Variants in MAPK4 observed in about 807,000 individuals in gnomAD.
The protein encoded by MAPK4 is Erk3-related.
Under a neutral mutation model 47.7 loss-of-function variants are expected in MAPK4, and 22 were observed. The ratio of observed to expected loss-of-function variants is 0.46; its 90% CI spans 0.33 to 0.66. The LOEUF (loss-of-function observed/expected upper bound fraction) is 0.66. Ranked by LOEUF, MAPK4 falls within the 30% of genes least tolerant of loss-of-function variation. The probability of loss-of-function intolerance (pLI) is 0.02; values close to 1 mark genes in which losing one functional copy is unlikely to be tolerated. For synonymous variants in MAPK4, 390 were observed against 365.7 expected, an observed-to-expected ratio of 1.07 and a Z score of -0.76; for missense variants, 736 against 831.7, an observed-to-expected ratio of 0.88 and a Z score of 1.42.
rs747073199 is a variant in MAPK4, at chr18:50,715,137, C to A, written c.605C>A (p.Ser202Tyr). 6.2e-7 allele frequency: 1 copy of A among 1,614,162 alleles called. No homozygotes were observed. Among genetic ancestry groups the A allele is most frequent in the East Asian group, 2.2e-5 (1 of 44,878 alleles). ...KWYRSPRLLL[S>Y]PNNYTKAIDM... ...TACCGTTCCCCACGACTGCTCCTTTCCCCCAATAACTACACCAAAGCCATC... is the reference window on the plus strand; with the variant it reads ...TACCGTTCCCCACGACTGCTCCTTTACCCCAATAACTACACCAAAGCCATC... The change falls in exon 3 of 6, where the codon TCC becomes TAC. Residue 202 changes from serine (S) to tyrosine (Y), a missense_variant. Physicochemically the swap from Ser to Tyr is moderately radical, Grantham distance 144. This residue lies in a region of MAPK4 where 327 missense variants were observed against 395.4 expected (regional missense o/e 0.83). Coordinates refer to ENST00000400384, the MANE Select transcript of MAPK4 (RefSeq NM_002747.4).
intron 2 of MAPK4, among the ~76,000 whole-genome samples, chr18:50,684,602 G>A (rs1211744886): frequency 6.6e-6 from 1 of 152,012 alleles, no homozygotes; most frequent in African/African-American, 2.4e-5. Flanking sequence ...TCTGCCTTCG[G>A]GGGGTGAGGA....
rs372005204 is a variant in MAPK4 at position 50,729,749 on chromosome 18, C to T, written c.1659C>T (p.Pro553=). Reference sequence around the variant, plus strand: ...GCGCCCTGAAGCTCTGCACCAAGCCCGAGGACCTGCCGGACAATAAACTGG... The same window carrying T: ...GCGCCCTGAAGCTCTGCACCAAGCCTGAGGACCTGCCGGACAATAAACTGG... ...ISRALKLCTK[P]EDLPDNKLGD... Residue 553 remains proline (P), a synonymous_variant, in exon 6 of 6, where the codon CCC becomes CCT. Transcript: ENST00000400384. 94 of 1,606,890 alleles carry T rather than the reference C, an allele frequency of 5.8e-5. No homozygotes were observed. The highest frequency in any genetic ancestry group is 7.6e-5 in the Non-Finnish European group (90 of 1,177,832).
At position 50,637,019 on chromosome 18, in the gene MAPK4, C is replaced by G. The variant is rs114694442; in HGVS notation, c.-870-26070C>G. ...CCACTTAGAAACAAAATCCTGCATCCAAACCTCGGTTTCTTTGAGTCTTCC... is the reference window on the plus strand; with the variant it reads ...CCACTTAGAAACAAAATCCTGCATCGAAACCTCGGTTTCTTTGAGTCTTCC... On this transcript the variant is annotated intron_variant, in intron 1 of 5. Coordinates refer to ENST00000400384, the MANE Select transcript of MAPK4 (RefSeq NM_002747.4). 7.3e-3 allele frequency among the ~76,000 whole-genome samples: 1,102 copies of G among 150,776 alleles called. 10 individuals carry two copies. The highest frequency in any genetic ancestry group is 0.025 in the African/African-American group (1,055 of 41,454).
intron 1 of MAPK4, among the ~76,000 whole-genome samples, chr18:50,562,180 A>G (rs1228465002): frequency 1.3e-5 from 2 of 152,226 alleles, no homozygotes; most frequent in Admixed American, 6.5e-5. Context: ...CAATTACTAA[A>G]AAAAAGCAAA....
chr18:50,620,469 C>G (rs2042722131), intron 1 of MAPK4, among the ~76,000 whole-genome samples: 4 of 152,206 alleles, frequency 2.6e-5, no homozygotes, highest in Admixed American at 2.6e-4. Context: ...CTTCATGTGG[C>G]CATGAACTGA....
intron 1 of MAPK4, among the ~76,000 whole-genome samples, chr18:50,605,345 A>G (rs3853682): frequency 0.52 from 78,868 of 151,958 alleles, 20,478 homozygotes; most frequent in East Asian, 0.61. Flanking sequence ...GCTCCCAGGA[A>G]GATTCAGGTA....
intron 1 of MAPK4, among the ~76,000 whole-genome samples, chr18:50,571,408 C>T (rs995597925): frequency 6.6e-6 from 1 of 152,166 alleles, no homozygotes; most frequent in Non-Finnish European, 1.5e-5. Context: ...TTTGAAGAGG[C>T]AAATTTTCTG....
At chr18:50,582,310 G>A (rs1448316760) in intron 1 of MAPK4, among the ~76,000 whole-genome samples, 1 of 152,176 alleles carries the variant, frequency 6.6e-6, no homozygotes, top group African/African-American at 2.4e-5. Context: ...TGCCCTTACT[G>A]AGAAAGCTAA....
At chr18:50,581,544 A>G (rs1276466087) in intron 1 of MAPK4, among the ~76,000 whole-genome samples, 1 of 152,236 alleles carries the variant, frequency 6.6e-6, no homozygotes, top group Non-Finnish European at 1.5e-5. Context: ...GAAGTGAGCC[A>G]CTGAGTCCAG....
intron 1 of MAPK4, among the ~76,000 whole-genome samples, chr18:50,648,994 C>A (rs2043019225): frequency 6.6e-6 from 1 of 152,194 alleles, no homozygotes; most frequent in South Asian, 2.1e-4. Flanking sequence ...AAAGAAAAGA[C>A]AAAATGATCC....
At chr18:50,672,028 A>G in intron 2 of MAPK4, among the ~76,000 whole-genome samples, 1 of 152,192 alleles carries the variant, frequency 6.6e-6, no homozygotes, top group East Asian at 1.9e-4. Context: ...CCAAGCTGAA[A>G]CTAGGAGGAG....
At chr18:50,671,183 G>A (rs1907929833) in intron 2 of MAPK4, among the ~76,000 whole-genome samples, 1 of 152,190 alleles carries the variant, frequency 6.6e-6, no homozygotes, top group Admixed American at 6.5e-5. Context: ...ATTGTTTTAA[G>A]CATGATGACT....
intron 1 of MAPK4, among the ~76,000 whole-genome samples, chr18:50,643,724 A>G (rs2042962416): frequency 6.6e-6 from 1 of 152,142 alleles, no homozygotes; most frequent in African/African-American, 2.4e-5. Flanking sequence ...GCAAGCCTCA[A>G]GTAATCCCAT....
intron 1 of MAPK4, among the ~76,000 whole-genome samples, chr18:50,660,245 G>T (rs1353051749): frequency 6.6e-6 from 1 of 152,212 alleles, no homozygotes; most frequent in East Asian, 1.9e-4. Context: ...ACAGAGAAAT[G>T]GTCAGACAAG....
chr18:50,723,978 G>A (rs959570397), intron 4 of MAPK4, among the ~76,000 whole-genome samples: 2 of 152,152 alleles, frequency 1.3e-5, no homozygotes, highest in Admixed American at 6.5e-5. Context: ...ATTTTCATCC[G>A]TGATGGAGTC....
chr18:50,710,721 A>C (rs1411863318), intron 2 of MAPK4, among the ~76,000 whole-genome samples: 1 of 152,110 alleles, frequency 6.6e-6, no homozygotes, highest in Non-Finnish European at 1.5e-5. Context: ...CGGAGCTTGC[A>C]GTGAGCAGAG....
chr18:50,725,628 G>A (rs954829960), intron 4 of MAPK4, among the ~76,000 whole-genome samples: 1 of 152,100 alleles, frequency 6.6e-6, no homozygotes, highest in African/African-American at 2.4e-5. Context: ...TCCCCCACCT[G>A]TGCTTGCTGG....
intron 2 of MAPK4, among the ~76,000 whole-genome samples, chr18:50,671,082 C>T (rs1247149532): frequency 6.6e-6 from 1 of 152,178 alleles, no homozygotes; most frequent in African/African-American, 2.4e-5. Context: ...AGAATGCCTC[C>T]CAGAGAACAC....
chr18:50,674,920 A>G (rs1048400610), intron 2 of MAPK4, among the ~76,000 whole-genome samples: 3 of 152,198 alleles, frequency 2.0e-5, no homozygotes, highest in Non-Finnish European at 2.9e-5. Context: ...CATGGTCTTC[A>G]AGCATAAATT....
Sources: gnomAD v4.1 joint callset for allele counts (sites outside exome capture counted in the v4.1 genomes callset) on GRCh38, gnomAD v4.1.1 for gene constraint, gnomAD v4.1.1 regional missense constraint, MANE v1.5 for transcripts, NCBI Gene and HGNC (gene_info 2026-07-23, HGNC 2026-07-21) for gene names.